The following THEMIS variants were observed in gnomAD, a reference collection of about 807,000 sequenced individuals.
THEMIS encodes thymocyte selection associated.
THEMIS carries 37 observed loss-of-function variants against 52.6 expected under a neutral mutation model. That is an observed-to-expected ratio of 0.70 (90% CI 0.54 to 0.93). The LOEUF (loss-of-function observed/expected upper bound fraction) is 0.93, where lower values mean the gene tolerates loss of function less well. THEMIS is among the 40% of genes least tolerant of loss of function. THEMIS has a pLI of 0.00. For synonymous variants in THEMIS, 292 were observed against 272.7 expected (o/e 1.07, Z -0.70); for missense variants, 808 against 763.1 (o/e 1.06, Z -0.69).
At chr6:127,730,637 A>G (rs1388680468) in intron 4 of THEMIS, among the ~76,000 whole-genome samples, 1 of 152,210 alleles carries the variant, frequency 6.6e-6, no homozygotes, top group Non-Finnish European at 1.5e-5. Context: ...AAAATTCAGA[A>G]ATTTTGCTTC....
At chr6:127,810,017 T>TA (rs1022349631) in intron 4 of THEMIS, among the ~76,000 whole-genome samples, 1 of 151,332 alleles carries the variant, frequency 6.6e-6, no homozygotes, top group Non-Finnish European at 1.5e-5. Flanking sequence ...GTCTGACCAG[T>TA]AAAAAAACAG....
At chr6:127,729,673 G>A (rs1435494799) in intron 4 of THEMIS, among the ~76,000 whole-genome samples, 1 of 151,944 alleles carries the variant, frequency 6.6e-6, no homozygotes, top group East Asian at 1.9e-4. Flanking sequence ...TGTATTCTCC[G>A]ACTCTCCTCT....
At chr6:127,797,345 A>T (rs1302060896) in intron 4 of THEMIS, among the ~76,000 whole-genome samples, 1 of 152,190 alleles carries the variant, frequency 6.6e-6, no homozygotes, top group Non-Finnish European at 1.5e-5. Context: ...GACTAAGGCT[A>T]AGAATGTACC....
intron 3 of THEMIS, 24 bp downstream of exon 3, chr6:127,829,452 A>C: frequency 6.4e-7 from 1 of 1,556,004 alleles, no homozygotes; most frequent in Non-Finnish European, 8.7e-7. Context: ...TGCTCATAGA[A>C]CATCATTCTC....
chr6:127,918,402 A>G (rs1781569453), intron 1 of THEMIS: 1 of 152,142 alleles, frequency 6.6e-6, no homozygotes, highest in Non-Finnish European at 1.5e-5. Flanking sequence ...CTTATGCAAG[A>G]GATATTATCC....
the THEMIS span, among the ~76,000 whole-genome samples, chr6:127,699,912 T>TGACACAC: frequency 6.6e-6 from 1 of 151,890 alleles, no homozygotes; most frequent in East Asian, 1.9e-4. Flanking sequence ...AATATTTTTT[T>TGACACAC]AAATATGACA....
intron 1 of THEMIS, among the ~76,000 whole-genome samples, chr6:127,855,587 A>G (rs1374421216): frequency 1.3e-5 from 2 of 151,906 alleles, no homozygotes; most frequent in Non-Finnish European, 2.9e-5. Flanking sequence ...TTGTCATACA[A>G]TTGGAGATGA....
chr6:127,819,738 T>C (rs148657657), intron 3 of THEMIS, among the ~76,000 whole-genome samples: 34 of 152,244 alleles, frequency 2.2e-4, no homozygotes, highest in Middle Eastern at 3.4e-3. Context: ...TGAGTAACAA[T>C]TCAGGGAATT....
chr6:127,735,118 G>T (rs187885606), intron 4 of THEMIS, among the ~76,000 whole-genome samples: 2 of 151,560 alleles, frequency 1.3e-5, no homozygotes, highest in African/African-American at 4.9e-5. Flanking sequence ...GAAAATTTTA[G>T]AGACTTGATT....
chr6:127,913,329 T>A (rs867995880), intron 1 of THEMIS, among the ~76,000 whole-genome samples: 1 of 152,362 alleles, frequency 6.6e-6, no homozygotes, highest in South Asian at 2.1e-4. Flanking sequence ...TTCCATTCGC[T>A]GAATATTTTT....
At chr6:127,720,726 A>T (rs1266457517) in intron 4 of THEMIS, among the ~76,000 whole-genome samples, 10 of 151,992 alleles carry the variant, frequency 6.6e-5, no homozygotes, top group Admixed American at 6.6e-4. Context: ...GCTTGATTTT[A>T]TAAAATCAAC....
chr6:127,776,607 A>G (rs1256595076), intron 4 of THEMIS, among the ~76,000 whole-genome samples: 6 of 152,296 alleles, frequency 3.9e-5, no homozygotes, highest in Admixed American at 3.3e-4. Flanking sequence ...TAAAAGACCC[A>G]TAGCTAGAAC....
chr6:127,776,942 CT>C (rs1776585610), intron 4 of THEMIS, among the ~76,000 whole-genome samples: 1 of 151,958 alleles, frequency 6.6e-6, no homozygotes, highest in Non-Finnish European at 1.5e-5. Context: ...GGTAATATTC[CT>C]TGCCCTAAAG....
intron 3 of THEMIS, among the ~76,000 whole-genome samples, chr6:127,820,371 G>A (rs1461261020): frequency 6.6e-6 from 1 of 151,986 alleles, no homozygotes; most frequent in Non-Finnish European, 1.5e-5. Flanking sequence ...CAGATGGCAA[G>A]GACACCGTGA....
chr6:127,881,997 CAAAA>C (rs5879865), intron 1 of THEMIS, among the ~76,000 whole-genome samples: 2 of 118,192 alleles, frequency 1.7e-5, no homozygotes, highest in African/African-American at 3.0e-5. Flanking sequence ...TCTTATACAG[CAAAA>C]AAAAAAAAAA....
chr6:127,843,481 T>C (rs1220401501), intron 2 of THEMIS, among the ~76,000 whole-genome samples: 1 of 152,016 alleles, frequency 6.6e-6, no homozygotes, highest in Non-Finnish European at 1.5e-5. Flanking sequence ...AGGGTTAGCA[T>C]GAAAAGATGT....
intron 1 of THEMIS, among the ~76,000 whole-genome samples, chr6:127,891,846 T>C (rs1321886691): frequency 6.6e-6 from 1 of 152,124 alleles, no homozygotes; most frequent in Non-Finnish European, 1.5e-5. Context: ...TTAAACCTCT[T>C]CTCATATGTT....
chr6:127,817,827 G>A (rs1202632519), intron 3 of THEMIS, among the ~76,000 whole-genome samples: 1 of 152,108 alleles, frequency 6.6e-6, no homozygotes, highest in Non-Finnish European at 1.5e-5. Flanking sequence ...CTAGGGTTGG[G>A]GAGTATGTTT....
intron 4 of THEMIS, among the ~76,000 whole-genome samples, chr6:127,793,559 A>C (rs1261356040): frequency 6.6e-6 from 1 of 152,200 alleles, no homozygotes; most frequent in Non-Finnish European, 1.5e-5. Flanking sequence ...TTGGGTGCCA[A>C]GGACAAAGAA....
Sources: allele counts gnomAD v4.1 joint callset (sites outside exome capture counted in the v4.1 genomes callset), GRCh38; gene constraint gnomAD v4.1.1; transcripts MANE v1.5; gene names NCBI Gene and HGNC (gene_info 2026-07-23, HGNC 2026-07-21).